The following LHCGR variants were observed in gnomAD, a reference collection of about 807,000 sequenced individuals.
The protein encoded by LHCGR is luteinizing hormone/choriogonadotropin receptor.
In LHCGR, 55 loss-of-function variants were observed where a neutral mutation model predicts 60.7. That is an observed-to-expected ratio of 0.91 (90% CI 0.73 to 1.13). The LOEUF (loss-of-function observed/expected upper bound fraction) is 1.13. Among genes scored for constraint, LHCGR ranks in the 50% most tolerant of loss-of-function variants. The pLI, the probability that LHCGR is intolerant of heterozygous loss-of-function variation, is 0.00. For synonymous variants in LHCGR, 337 were observed against 316.5 expected, an observed-to-expected ratio of 1.06 and a Z score of -0.69; for missense variants, 862 against 836.0, an observed-to-expected ratio of 1.03 and a Z score of -0.38.
intron 10 of LHCGR, among the ~76,000 whole-genome samples, chr2:48,691,004 A>G (rs1238864327): frequency 1.3e-5 from 2 of 152,220 alleles, no homozygotes; most frequent in Admixed American, 1.3e-4. Flanking sequence ...CAATGAGCAC[A>G]CAGCATGATG....
Position 48,688,078 on chromosome 2 carries a change from GATTGCC to G in LHCGR, c.1713_1718del (p.Met571_Ala572del). 1 of 1,614,156 alleles carries G rather than the reference GATTGCC, an allele frequency of 6.2e-7. No homozygotes were observed. On this transcript the variant is annotated inframe_deletion, in exon 11 of 11. Transcript: ENST00000294954. This position sits in a 1 kb window ranked among gnomAD's most constrained non-coding sequence, Gnocchi z 5.2. ...TGCAGGTGAAATCGGTGAAGATGAG[GATTGCC>G]ATTTTCTTAGCAATCTTTGTATCTT...
In LHCGR at chr2:48,687,488, C is replaced by T. The variant is rs553373271; in HGVS notation, c.*209G>A. On this transcript the variant is annotated 3_prime_UTR_variant, in exon 11 of 11. Coordinates refer to ENST00000294954, the MANE Select transcript of LHCGR (RefSeq NM_000233.4). ...AAAAATTTCTAAACACTCTCAACTT[C>T]AGTATTTATGCCATGTAACAATGAC... The T allele has an allele frequency of 8.3e-6, 4 of 482,666 alleles. No individual in the cohort carries two copies. The South Asian group carries it at 1.7e-4, about 20-fold the overall frequency. 29.9% of individuals were successfully genotyped at this position (482,666 alleles called of 1,614,324 possible).
chr2:48,709,794 C>T lies in LHCGR; in HGVS notation c.606-772G>A, dbSNP rs193290537. 1.6e-4 allele frequency among the ~76,000 whole-genome samples: 24 copies of T among 152,332 alleles called. No homozygotes were observed. In the East Asian group the frequency reaches 4.6e-3, roughly 29 times the overall value. On this transcript the variant is annotated intron_variant, in intron 7 of 10. Transcript: ENST00000294954. ...AGCAGCACAATCTGGTCCTCCTAGG[C>T]AGCCTCCTTTCTGGGCCCTGACACT...
At chr2:48,690,544 T>C (rs1367089667) in intron 10 of LHCGR, among the ~76,000 whole-genome samples, 1 of 152,220 alleles carries the variant, frequency 6.6e-6, no homozygotes, top group Non-Finnish European at 1.5e-5. Flanking sequence ...GCAGATCCCT[T>C]GGGCAACCTT....
chr2:48,751,465 C>A (rs546701641), intron 1 of LHCGR, among the ~76,000 whole-genome samples: 2 of 152,216 alleles, frequency 1.3e-5, no homozygotes, highest in Non-Finnish European at 2.9e-5. Flanking sequence ...TAACACTTGG[C>A]CCATGAAGCC....
chr2:48,749,867 G>A (rs564030252), intron 1 of LHCGR, among the ~76,000 whole-genome samples: 16 of 152,106 alleles, frequency 1.1e-4, no homozygotes, highest in Non-Finnish European at 2.4e-4. Flanking sequence ...TTGTTTTTTA[G>A]TGTCTTGCTA....
At chr2:48,705,368 T>A (rs1355937712) in intron 8 of LHCGR, among the ~76,000 whole-genome samples, 7 of 152,226 alleles carry the variant, frequency 4.6e-5, no homozygotes, top group Admixed American at 6.5e-5. Flanking sequence ...TATATTCTGC[T>A]GATTTGGGGT....
chr2:48,754,009 T>C (rs1454807614), intron 1 of LHCGR, among the ~76,000 whole-genome samples: 1 of 152,146 alleles, frequency 6.6e-6, no homozygotes, highest in Non-Finnish European at 1.5e-5. Flanking sequence ...GAAAGTCTGT[T>C]AGTAGTACAG....
intron 8 of LHCGR, among the ~76,000 whole-genome samples, chr2:48,699,623 C>T (rs892367867): frequency 5.9e-5 from 9 of 152,230 alleles, no homozygotes; most frequent in African/African-American, 2.2e-4. Flanking sequence ...TTCTGTGTGG[C>T]ATTAGCCATC....
intron 1 of LHCGR, among the ~76,000 whole-genome samples, chr2:48,735,663 C>T (rs538461101): frequency 6.6e-6 from 1 of 152,318 alleles, no homozygotes; most frequent in South Asian, 2.1e-4. Context: ...TAGGACTACC[C>T]AGTGGAGTTG....
At chr2:48,735,713 G>C (rs1276803839) in intron 1 of LHCGR, among the ~76,000 whole-genome samples, 1 of 152,214 alleles carries the variant, frequency 6.6e-6, no homozygotes, top group Non-Finnish European at 1.5e-5. Flanking sequence ...GGCTACCCAA[G>C]TCACTCTTTA....
At chr2:48,723,144 C>T (rs1050143247) in intron 6 of LHCGR, among the ~76,000 whole-genome samples, 10 of 152,206 alleles carry the variant, frequency 6.6e-5, no homozygotes, top group African/African-American at 2.4e-4. Flanking sequence ...AGCCACTCCT[C>T]TCTAGACTGT....
At position 48,688,128 on chromosome 2, in the gene LHCGR, C is replaced by T. The variant is rs146785679; in HGVS notation, c.1669G>A (p.Glu557Lys). 6.9e-4 allele frequency: 1,121 copies of T among 1,614,068 alleles called. 12 individuals carry two copies. The South Asian group carries it at 0.011, about 16-fold the overall frequency. Residue 557 changes from glutamate (E) to lysine (K), a missense_variant, in exon 11 of 11, where the codon GAA becomes AAA. By Grantham distance (56) the Glu-to-Lys change is moderately conservative (BLOSUM62 1). Coordinates refer to ENST00000294954, the MANE Select transcript of LHCGR (RefSeq NM_000233.4). This position sits in a 1 kb window ranked among gnomAD's most constrained non-coding sequence, Gnocchi z 5.2. Reference sequence around the variant, plus strand: ...GTATCTTTATTGGTAGCCATTAATTCTGGGTTTCGAACTGCAAAATAAATT... The same window carrying T: ...GTATCTTTATTGGTAGCCATTAATTTTGGGTTTCGAACTGCAAAATAAATT... ...IKIYFAVRNP[E>K]LMATNKDTKI... is the part of the protein sequence containing the mutation.
chr2:48,697,647 C>T (rs889079351), intron 9 of LHCGR, among the ~76,000 whole-genome samples: 2 of 152,044 alleles, frequency 1.3e-5, no homozygotes, highest in African/African-American at 4.8e-5. Context: ...TGGTTGATTC[C>T]AAACAAAGAC....
At chr2:48,725,228 A>C (rs770875072) in intron 4 of LHCGR, among the ~76,000 whole-genome samples, 19 of 152,218 alleles carry the variant, frequency 1.2e-4, no homozygotes, top group Non-Finnish European at 1.9e-4. Context: ...AATACTTAAA[A>C]AGTTTTCATT....
intron 8 of LHCGR, among the ~76,000 whole-genome samples, chr2:48,702,420 C>T (rs575881536): frequency 1.3e-5 from 2 of 152,182 alleles, no homozygotes; most frequent in Non-Finnish European, 2.9e-5. Flanking sequence ...CCCAGCTGCC[C>T]ACCCGCCGAC....
rs148186295 is a variant in LHCGR, at chr2:48,696,290, A to C, written c.867-1986T>G. 1.6e-3 allele frequency among the ~76,000 whole-genome samples: 242 copies of C among 152,360 alleles called. 2 individuals are homozygous for C. Among genetic ancestry groups the C allele is most frequent in the African/African-American group, 5.4e-3 (223 of 41,584 alleles). Reference sequence around the variant, plus strand: ...CATTATTACAAGGTTTATCAACTGCATTCATTAAGAATTTGGACATTATGG... The same window carrying C: ...CATTATTACAAGGTTTATCAACTGCCTTCATTAAGAATTTGGACATTATGG... On this transcript the variant is annotated intron_variant, in intron 9 of 10. Transcript: ENST00000294954.
chr2:48,714,233 A>G (rs1668130697), intron 6 of LHCGR, among the ~76,000 whole-genome samples, 179 bp from the exon 7 acceptor site: 1 of 152,352 alleles, frequency 6.6e-6, no homozygotes. Context: ...TAGATACTTC[A>G]TCAGCCACTC....
chr2:48,750,482 C>A (rs1301287768), intron 1 of LHCGR, among the ~76,000 whole-genome samples: 1 of 152,150 alleles, frequency 6.6e-6, no homozygotes, highest in Non-Finnish European at 1.5e-5. Flanking sequence ...AGACTGGAAG[C>A]CTACAAATTC....
Sources: allele counts gnomAD v4.1 joint callset (sites outside exome capture counted in the v4.1 genomes callset), GRCh38; gene constraint gnomAD v4.1.1; non-coding constraint Gnocchi (gnomAD v3.1); transcripts MANE v1.5; gene names NCBI Gene and HGNC (gene_info 2026-07-23, HGNC 2026-07-21).